Variants in CROT observed in about 807,000 individuals in gnomAD.
The protein encoded by CROT is peroxisomal carnitine O-octanoyltransferase.
A neutral mutation model predicts 89.2 loss-of-function variants in CROT; 84 were observed. The observed-to-expected ratio is 0.94, with a 90% CI of 0.79 to 1.13. The LOEUF is 1.13. Ranked by LOEUF, CROT falls within the 50% of genes most tolerant of loss-of-function variation. CROT has a pLI of 0.00. For synonymous variants in CROT, 212 were observed against 239.5 expected, an observed-to-expected ratio of 0.89 and a Z score of 1.06; for missense variants, 711 against 727.8, an observed-to-expected ratio of 0.98 and a Z score of 0.27.
intron 9 of CROT, 121 bp from the exon 10 acceptor site, chr7:87,377,228 T>C: frequency 3.4e-6 from 2 of 588,908 alleles, no homozygotes; most frequent in South Asian, 2.4e-5. Context: ...AACTATATTA[T>C]GATTTTATTA....
intron 7 of CROT, among the ~76,000 whole-genome samples, chr7:87,370,441 C>T (rs1302364298): frequency 1.3e-5 from 2 of 152,124 alleles, no homozygotes; most frequent in East Asian, 3.8e-4. Context: ...CCTTGGCCTC[C>T]CAAAGTGCTG....
At position 87,361,801 on chromosome 7, in the gene CROT, T is replaced by A. The variant is rs1806284791; in HGVS notation, c.496T>A (p.Cys166Ser). ...MNQFRMLFST[C>S]KVPGITRDSI... ...TCAATTCCGAATGCTATTTTCTACCTGCAAGGTTCCAGGAATTACTAGAGA... is the reference window on the plus strand; with the variant it reads ...TCAATTCCGAATGCTATTTTCTACCAGCAAGGTTCCAGGAATTACTAGAGA... The change falls in exon 6 of 18, where the codon TGC becomes AGC. Residue 166 changes from cysteine to serine, a missense_variant. Transcript: ENST00000331536. 5 of 1,610,110 alleles carry A rather than the reference T, an allele frequency of 3.1e-6. No individual in the cohort carries two copies. The African/African-American group carries it at 5.3e-5, about 17-fold the overall frequency.
chr7:87,347,697 G>GA (rs1554386785), intron 2 of CROT, among the ~76,000 whole-genome samples: 2 of 148,880 alleles, frequency 1.3e-5, no homozygotes, highest in African/African-American at 4.9e-5. Context: ...TAAAATAGAA[G>GA]TTTTTTTTTT....
chr7:87,346,107 C>A lies in CROT; in HGVS notation c.-112-233C>A, dbSNP rs113489991. On this transcript the variant is annotated intron_variant, in intron 1 of 17. Transcript: ENST00000331536. Reference sequence around the variant, plus strand: ...AGCCACTGAAAACGTATCCTCTACCCTTTGAACCCGTCTAATGGAAGGTGT... The same window carrying A: ...AGCCACTGAAAACGTATCCTCTACCATTTGAACCCGTCTAATGGAAGGTGT... Among the ~76,000 whole-genome samples, 1,304 of 152,320 alleles carry A rather than the reference C, an allele frequency of 8.6e-3. 24 individuals are homozygous for A. Among genetic ancestry groups the A allele is most frequent in the African/African-American group, 0.028 (1,144 of 41,562 alleles).
intron 3 of CROT, among the ~76,000 whole-genome samples, chr7:87,353,464 T>C (rs1805945134): frequency 6.6e-6 from 1 of 152,170 alleles, no homozygotes; most frequent in African/African-American, 2.4e-5. Flanking sequence ...ACTGATTCTT[T>C]TCTAGTATAT....
At position 87,375,835 on chromosome 7, in the gene CROT, AATATC is replaced by A; in HGVS notation, c.759_763del (p.Glu253AspfsTer5). ...CATCTCCTTGCCCTTTAGGCACGAG[AATATC>A]TGATTGGTCTTGATCCAGAGAACTT... On this transcript the variant is annotated frameshift_variant, in exon 9 of 18. Transcript: ENST00000331536. LOFTEE classifies it high-confidence loss of function. 6.2e-7 allele frequency: 1 copy of A among 1,613,502 alleles called. No individual in the cohort carries two copies. The highest frequency in any genetic ancestry group is 1.1e-5 in the South Asian group (1 of 91,054).
rs1201120371 is a variant in CROT, at chr7:87,392,581, C to G, written c.1441C>G (p.Gln481Glu). ...DPSVNLRERQ[Q>E]KMLQAFAKHN... ...TTTAATACAGCTTCGTGAGCGGCAG[C>G]AAAAGATGTTACAAGCTTTTGCAAA... The change falls in exon 15 of 18, where the codon CAA (glutamine) becomes GAA (glutamate). Residue 481 changes from glutamine to glutamate, a missense_variant. Coordinates refer to ENST00000331536, the MANE Select transcript of CROT (RefSeq NM_021151.4). 1 of 1,613,196 alleles carries G rather than the reference C, an allele frequency of 6.2e-7. No individual in the cohort carries two copies. The highest frequency in any genetic ancestry group is 1.7e-5 in the Admixed American group (1 of 59,952).
At chr7:87,346,154 T>C (rs189534286) in intron 1 of CROT, among the ~76,000 whole-genome samples, 186 bp from the exon 2 acceptor site, 1 of 152,318 alleles carries the variant, frequency 6.6e-6, no homozygotes, top group East Asian at 1.9e-4. Flanking sequence ...ACCTACTTAA[T>C]TGTATGATCA....
chr7:87,366,664 C>T (rs1018010103), intron 6 of CROT, among the ~76,000 whole-genome samples: 8 of 152,172 alleles, frequency 5.3e-5, no homozygotes, highest in Non-Finnish European at 7.3e-5. Flanking sequence ...CCTACTTCCC[C>T]GTCTTCACTT....
intron 7 of CROT, among the ~76,000 whole-genome samples, chr7:87,371,488 C>T (rs1806628682): frequency 6.6e-6 from 1 of 152,116 alleles, no homozygotes; most frequent in African/African-American, 2.4e-5. Context: ...AAATAATTAA[C>T]ATTTTCAAAC....
At chr7:87,378,836 C>T (rs999590743) in intron 10 of CROT, among the ~76,000 whole-genome samples, 7 of 151,974 alleles carry the variant, frequency 4.6e-5, no homozygotes, top group Non-Finnish European at 8.8e-5. Context: ...TGCTTGGTTG[C>T]CTAAAGAACA....
At chr7:87,349,616 T>C (rs765423303) in intron 3 of CROT, among the ~76,000 whole-genome samples, 11 of 152,232 alleles carry the variant, frequency 7.2e-5, no homozygotes, top group Non-Finnish European at 1.3e-4. Context: ...ATCTGGACTT[T>C]CTACTGTTGT....
At chr7:87,379,920 G>A (rs1806937555) in intron 10 of CROT, among the ~76,000 whole-genome samples, 1 of 152,096 alleles carries the variant, frequency 6.6e-6, no homozygotes, top group Non-Finnish European at 1.5e-5. Context: ...GCACCAGCTT[G>A]GGCAACATAG....
chr7:87,359,854 T>A, intron 4 of CROT: 1 of 985,680 alleles, frequency 1.0e-6, no homozygotes, highest in Non-Finnish European at 1.2e-6. Flanking sequence ...TTCCACAAAA[T>A]TCTTTAACTT....
chr7:87,386,432 T>G (rs1169452517), intron 13 of CROT, among the ~76,000 whole-genome samples: 1 of 152,188 alleles, frequency 6.6e-6, no homozygotes, highest in Non-Finnish European at 1.5e-5. Flanking sequence ...TTCTAGGTTT[T>G]CCAATTTGTT....
chr7:87,388,601 C>T (rs1807256712), intron 13 of CROT, among the ~76,000 whole-genome samples: 1 of 152,132 alleles, frequency 6.6e-6, no homozygotes. Context: ...GGACCCCTTC[C>T]TTATACCTTA....
At chr7:87,376,608 G>A (rs775300235) in intron 9 of CROT, among the ~76,000 whole-genome samples, 9 of 151,196 alleles carry the variant, frequency 6.0e-5, no homozygotes, top group Non-Finnish European at 8.8e-5. Context: ...ATCAAGGATT[G>A]GAAAACCTTG....
At chr7:87,371,040 A>G (rs78350129) in intron 7 of CROT, among the ~76,000 whole-genome samples, 5,886 of 152,274 alleles carry the variant, frequency 0.039, 365 homozygotes, top group African/African-American at 0.13. Context: ...TTGTTCTATT[A>G]AACACATCTT....
In CROT at chr7:87,346,149, C is replaced by T. The variant is rs542379963; in HGVS notation, c.-112-191C>T. Among the ~76,000 whole-genome samples the T allele has an allele frequency of 4.6e-5, 7 of 152,342 alleles. No individual in the cohort carries two copies. In the East Asian group the frequency reaches 7.7e-4, roughly 17 times the overall value. On this transcript the variant is annotated intron_variant, in intron 1 of 17. Transcript: ENST00000331536. ...GGAAGGTGTACTTGTCTGAAACCTA[C>T]TTAATTGTATGATCATTTACTCCTG...
Sources: gnomAD v4.1 joint callset for allele counts (sites outside exome capture counted in the v4.1 genomes callset) on GRCh38, gnomAD v4.1.1 for gene constraint, MANE v1.5 for transcripts, NCBI Gene and HGNC (gene_info 2026-07-23, HGNC 2026-07-21) for gene names.